Variants in STAG1 observed in about 807,000 individuals in gnomAD.
The protein encoded by STAG1 is STAG1 cohesin complex component.
STAG1 carries 26 observed loss-of-function variants against 170.9 expected under a neutral mutation model. The observed-to-expected ratio is 0.15, with a 90% CI of 0.11 to 0.21. The LOEUF is 0.21. STAG1 is among the 10% of genes least tolerant of loss of function. The pLI, the probability that STAG1 is intolerant of heterozygous loss-of-function variation, is 1.00. For missense variants in STAG1, 964 were observed against 1,509.5 expected, an observed-to-expected ratio of 0.64 and a Z score of 5.99; for synonymous variants, 514 against 497.7, an observed-to-expected ratio of 1.03 and a Z score of -0.44.
intron 1 of STAG1, among the ~76,000 whole-genome samples, chr3:136,651,690 TAC>T (rs1355945377): frequency 6.6e-6 from 1 of 152,086 alleles, no homozygotes; most frequent in Non-Finnish European, 1.5e-5. Flanking sequence ...GCAGACCACC[TAC>T]ACAGAGATGA....
intron 9 of STAG1, among the ~76,000 whole-genome samples, chr3:136,492,222 C>A (rs1489733727): frequency 6.6e-6 from 1 of 152,180 alleles, no homozygotes; most frequent in Non-Finnish European, 1.5e-5. Context: ...AGGTCACATT[C>A]TCAACTACAC....
At chr3:136,537,538 T>C (rs971305387) in intron 6 of STAG1, among the ~76,000 whole-genome samples, 4 of 149,270 alleles carry the variant, frequency 2.7e-5, no homozygotes, top group East Asian at 2.0e-4. Flanking sequence ...TCTCACTCCA[T>C]TGCCCAGGCT....
intron 1 of STAG1, 49 bp from the exon 2 acceptor site, chr3:136,631,030 A>G: frequency 1.1e-6 from 1 of 881,804 alleles, no homozygotes; most frequent in Non-Finnish European, 1.7e-6. Context: ...GAGGATGACA[A>G]AATTCATAAA....
Position 136,398,752 on chromosome 3 carries a change from G to A in STAG1, c.2274C>T (p.Ser758=), listed in dbSNP as rs758251832. The A allele has an allele frequency of 1.3e-6, 2 of 1,595,902 alleles. No homozygotes were observed. Among genetic ancestry groups the A allele is most frequent in the Non-Finnish European group, 1.7e-6 (2 of 1,169,512 alleles). ...QLVKITDGSP[S]KEDLLVLRKT... ...GCCTACAGAAACTCTTACTTACTTT[G>A]GAAGGAGAGCCATCAGTAATTTTCA... The change falls in exon 22 of 34, where the codon TCC becomes TCT. Residue 758 remains serine (S), a synonymous_variant. Coordinates refer to ENST00000383202, the MANE Select transcript of STAG1 (RefSeq NM_005862.3).
At chr3:136,611,558 C>T (rs1465494963) in intron 3 of STAG1, among the ~76,000 whole-genome samples, 2 of 151,462 alleles carry the variant, frequency 1.3e-5, no homozygotes, top group East Asian at 2.0e-4. Flanking sequence ...TACAGTGGCA[C>T]GATCACAGCT....
At chr3:136,365,679 A>G in intron 25 of STAG1, among the ~76,000 whole-genome samples, 1 of 152,152 alleles carries the variant, frequency 6.6e-6, no homozygotes, top group East Asian at 1.9e-4. Context: ...CTAAGATTAC[A>G]GAATACATTA....
intron 1 of STAG1, among the ~76,000 whole-genome samples, chr3:136,721,793 G>A (rs1380310941): frequency 6.6e-5 from 10 of 151,902 alleles, no homozygotes; most frequent in Admixed American, 5.3e-4. Flanking sequence ...GAGTGGTGGC[G>A]GGCACCTATA....
intron 4 of STAG1, among the ~76,000 whole-genome samples, chr3:136,600,818 C>A (rs1411296343): frequency 6.6e-6 from 1 of 152,108 alleles, no homozygotes; most frequent in Non-Finnish European, 1.5e-5. Context: ...CAGGCGTGAG[C>A]AACCACGCAC....
intron 31 of STAG1, 119 bp downstream of exon 31, chr3:136,341,322 A>G (rs1935961270): frequency 1.0e-5 from 7 of 667,844 alleles, no homozygotes; most frequent in Middle Eastern, 3.7e-4. Context: ...GCTGCATAGC[A>G]TATCACGAAT....
intron 16 of STAG1, 28 bp from the exon 17 acceptor site, chr3:136,423,072 A>G (rs1453040545): frequency 6.8e-7 from 1 of 1,472,824 alleles, no homozygotes; most frequent in Middle Eastern, 2.2e-4. Flanking sequence ...AAAGAAGAAG[A>G]GTATTGTGTT....
chr3:136,382,317 C>T (rs1395981861), intron 22 of STAG1, among the ~76,000 whole-genome samples: 1 of 151,680 alleles, frequency 6.6e-6, no homozygotes, highest in Non-Finnish European at 1.5e-5. Context: ...CATTTAATAC[C>T]ACAAATAAGT....
chr3:136,557,582 G>T (rs1936673825), intron 5 of STAG1, among the ~76,000 whole-genome samples: 1 of 152,040 alleles, frequency 6.6e-6, no homozygotes, highest in South Asian at 2.1e-4. Context: ...ACACTCTGTT[G>T]CCCAGGCTGG....
intron 1 of STAG1, among the ~76,000 whole-genome samples, chr3:136,647,066 A>G (rs774174956): frequency 4.6e-5 from 7 of 152,212 alleles, no homozygotes; most frequent in Non-Finnish European, 1.0e-4. Context: ...ACCACTATGT[A>G]CACCTAAATA....
Position 136,736,982 on chromosome 3 carries a change from G to A in STAG1, c.-84+15213C>T, listed in dbSNP as rs570064211. ...TTTTGTGCTCTGTCAGCATCATCTT[G>A]ATTTTTGTCAGGATGCACCAAGATG... On this transcript the variant is annotated intron_variant, in intron 1 of 33. Transcript: ENST00000383202. 5 of 1,595,582 alleles carry A rather than the reference G, an allele frequency of 3.1e-6. No homozygotes were observed. In the South Asian group the frequency reaches 4.4e-5, roughly 14 times the overall value.
At position 136,633,054 on chromosome 3, in the gene STAG1, T is replaced by G. The variant is rs1237708923; in HGVS notation, c.-83-2073A>C. Among the ~76,000 whole-genome samples the G allele has an allele frequency of 2.0e-5, 3 of 152,008 alleles. No homozygotes were observed. In the East Asian group the frequency reaches 5.8e-4, roughly 29 times the overall value. On this transcript the variant is annotated intron_variant, in intron 1 of 33. Coordinates refer to ENST00000383202, the MANE Select transcript of STAG1 (RefSeq NM_005862.3). ...CACTAAATAAACAGATGACTATAGA[T>G]TTTAACAGTCAGTAAAATCAAACAG...
At chr3:136,685,075 G>A (rs952601459) in intron 1 of STAG1, among the ~76,000 whole-genome samples, 2 of 152,132 alleles carry the variant, frequency 1.3e-5, no homozygotes, top group African/African-American at 4.8e-5. Flanking sequence ...AGCACTTTGG[G>A]AAGCCAAGGC....
intron 5 of STAG1, among the ~76,000 whole-genome samples, chr3:136,546,292 G>A (rs2623099): frequency 0.038 from 5,754 of 152,210 alleles, 166 homozygotes; most frequent in Middle Eastern, 0.13. Flanking sequence ...ACTATTAATA[G>A]GATTCAAGAT....
intron 3 of STAG1, among the ~76,000 whole-genome samples, chr3:136,617,310 A>G (rs1266983786): frequency 2.0e-5 from 3 of 152,216 alleles, no homozygotes; most frequent in Non-Finnish European, 4.4e-5. Context: ...TGGAGGTACA[A>G]GGGAGACATC....
intron 6 of STAG1, among the ~76,000 whole-genome samples, chr3:136,528,492 G>GCC (rs763709959): frequency 0.021 from 469 of 22,046 alleles, 3 homozygotes; most frequent in Non-Finnish European, 0.031. Context: ...AGATGTCCCC[G>GCC]CACCCCCCCC....
Sources: allele counts gnomAD v4.1 joint callset (sites outside exome capture counted in the v4.1 genomes callset), GRCh38; gene constraint gnomAD v4.1.1; transcripts MANE v1.5; gene names NCBI Gene and HGNC (gene_info 2026-07-23, HGNC 2026-07-21).